Variants in ADCY2 observed in about 807,000 individuals in gnomAD.
ADCY2 encodes the protein adenylate cyclase type 2.
ADCY2 carries 31 observed loss-of-function variants against 125.2 expected under a neutral mutation model. The ratio of observed to expected loss-of-function variants is 0.25; its 90% CI spans 0.19 to 0.33. The LOEUF is 0.33. Among genes scored for constraint, ADCY2 ranks in the 10% least tolerant of loss-of-function variants. The probability of loss-of-function intolerance (pLI) is 1.00; values close to 1 mark genes in which losing one functional copy is unlikely to be tolerated. For synonymous variants in ADCY2, 512 were observed against 548.4 expected (o/e 0.93, Z 0.93); for missense variants, 904 against 1,418.2 (o/e 0.64, Z 5.82).
At chr5:7,609,311 G>A (rs572413688) in intron 3 of ADCY2, among the ~76,000 whole-genome samples, 2 of 152,272 alleles carry the variant, frequency 1.3e-5, no homozygotes, top group Admixed American at 1.3e-4. Flanking sequence ...TTGATTTAGG[G>A]CAAAAACTCA....
At chr5:7,440,657 A>G (rs892873256) in intron 2 of ADCY2, among the ~76,000 whole-genome samples, 34 of 152,218 alleles carry the variant, frequency 2.2e-4, no homozygotes, top group African/African-American at 8.2e-4. Context: ...AGATCCGCTA[A>G]TGAGGATTAA....
At chr5:7,546,016 G>A (rs893664525) in intron 3 of ADCY2, among the ~76,000 whole-genome samples, 11 of 152,192 alleles carry the variant, frequency 7.2e-5, no homozygotes, top group Non-Finnish European at 1.5e-4. Flanking sequence ...CACTTCTTCT[G>A]TCTTAGGAAG....
chr5:7,644,373 T>C (rs1431962745), intron 4 of ADCY2, among the ~76,000 whole-genome samples: 1 of 152,154 alleles, frequency 6.6e-6, no homozygotes, highest in African/African-American at 2.4e-5. Flanking sequence ...TTCAGTTCTC[T>C]GACTTCTTTT....
chr5:7,646,265 C>G (rs1331044562), intron 4 of ADCY2, among the ~76,000 whole-genome samples: 1 of 151,226 alleles, frequency 6.6e-6, no homozygotes, highest in African/African-American at 2.4e-5. Flanking sequence ...AATGATTTTA[C>G]CTTGAGAGGT....
At chr5:7,759,473 G>A (rs919063566) in intron 16 of ADCY2, among the ~76,000 whole-genome samples, 1 of 152,220 alleles carries the variant, frequency 6.6e-6, no homozygotes, top group African/African-American at 2.4e-5. Context: ...TTGGCTGGCA[G>A]TCCCCTGTGG....
intron 3 of ADCY2, chr5:7,611,039 A>G (rs1164255848): frequency 6.6e-6 from 1 of 152,164 alleles, no homozygotes; most frequent in Non-Finnish European, 1.5e-5. Context: ...TATTCCTTGT[A>G]GCAAGCACAG....
chr5:7,492,845 G>T (rs1743211998), intron 2 of ADCY2, among the ~76,000 whole-genome samples: 1 of 152,180 alleles, frequency 6.6e-6, no homozygotes, highest in South Asian at 2.1e-4. Context: ...AGGGTGAGCT[G>T]CAGTTATAGA....
intron 2 of ADCY2, among the ~76,000 whole-genome samples, chr5:7,511,919 T>C (rs945231993): frequency 6.6e-6 from 1 of 151,690 alleles, no homozygotes; most frequent in Non-Finnish European, 1.5e-5. Context: ...ATTCTAAGTG[T>C]TACAGAAAAT....
At chr5:7,583,022 T>C (rs947090026) in intron 3 of ADCY2, among the ~76,000 whole-genome samples, 11 of 152,232 alleles carry the variant, frequency 7.2e-5, no homozygotes, top group African/African-American at 2.6e-4. Context: ...AATGTCAATG[T>C]ACAAAAATCA....
intron 2 of ADCY2, among the ~76,000 whole-genome samples, chr5:7,415,024 GATGTGT>G (rs1739884621): frequency 6.6e-6 from 1 of 151,732 alleles, no homozygotes; most frequent in African/African-American, 2.4e-5. Flanking sequence ...TATTTGTATA[GATGTGT>G]ATGTGTATGT....
At chr5:7,526,402 G>A (rs1240597812) in intron 3 of ADCY2, among the ~76,000 whole-genome samples, 1 of 152,146 alleles carries the variant, frequency 6.6e-6, no homozygotes, top group Non-Finnish European at 1.5e-5. Context: ...GTGTTCGGTA[G>A]TATGGTAGGG....
chr5:7,622,450 T>C (rs554255919), intron 3 of ADCY2, among the ~76,000 whole-genome samples: 9 of 152,338 alleles, frequency 5.9e-5, no homozygotes, highest in African/African-American at 1.9e-4. Flanking sequence ...ATTAAAGCCC[T>C]ACGTTGTATA....
rs999663696 is a variant in ADCY2 at position 7,693,416 on chromosome 5, T to G, written c.870-2336T>G. ...TCACAATTGCCTGCTGTTTTTTGTT[T>G]TTTTTTTTTTTTTTTTTTTTGAGAC... On this transcript the variant is annotated intron_variant, in intron 5 of 24. Transcript: ENST00000338316. Among the ~76,000 whole-genome samples the G allele has an allele frequency of 1.4e-3, 166 of 121,198 alleles. 2 individuals carry two copies. The highest frequency in any genetic ancestry group is 4.1e-3 in the Middle Eastern group (1 of 246). 79.5% of individuals were successfully genotyped at this position (121,198 alleles called of 152,430 possible).
At chr5:7,722,621 C>A (rs767744434) in intron 12 of ADCY2, among the ~76,000 whole-genome samples, 7 of 151,742 alleles carry the variant, frequency 4.6e-5, no homozygotes, top group Non-Finnish European at 8.8e-5. Context: ...GTTTGTTTCC[C>A]TACAGCTTAT....
chr5:7,629,361 A>T (rs1260724556), intron 4 of ADCY2, among the ~76,000 whole-genome samples: 1 of 152,162 alleles, frequency 6.6e-6, no homozygotes, highest in African/African-American at 2.4e-5. Context: ...CTGTCTAACG[A>T]TTCTGAAATC....
At chr5:7,546,691 A>G (rs950503390) in intron 3 of ADCY2, among the ~76,000 whole-genome samples, 2 of 152,250 alleles carry the variant, frequency 1.3e-5, no homozygotes, top group African/African-American at 4.8e-5. Flanking sequence ...GTTATGCTTA[A>G]GATGCACAAC....
At chr5:7,561,460 G>A (rs1243066994) in intron 3 of ADCY2, among the ~76,000 whole-genome samples, 1 of 151,826 alleles carries the variant, frequency 6.6e-6, no homozygotes, top group Non-Finnish European at 1.5e-5. Flanking sequence ...CATAGAAAAG[G>A]TACAATAAAA....
chr5:7,711,071 T>A (rs1741424362), intron 10 of ADCY2, among the ~76,000 whole-genome samples: 1 of 152,224 alleles, frequency 6.6e-6, no homozygotes, highest in Non-Finnish European at 1.5e-5. Context: ...TATAGTTAAG[T>A]GCAGTGAGGA....
chr5:7,510,855 T>C (rs1198167038), intron 2 of ADCY2, among the ~76,000 whole-genome samples: 1 of 152,242 alleles, frequency 6.6e-6, no homozygotes, highest in Non-Finnish European at 1.5e-5. Flanking sequence ...AAGAACACGA[T>C]ATGAAGAGTT....
Sources: allele counts gnomAD v4.1 joint callset (sites outside exome capture counted in the v4.1 genomes callset), GRCh38; gene constraint gnomAD v4.1.1; transcripts MANE v1.5; gene names NCBI Gene and HGNC (gene_info 2026-07-23, HGNC 2026-07-21).